The following PTK2B variants were observed in gnomAD, a reference collection of about 807,000 sequenced individuals.
PTK2B encodes protein tyrosine kinase 2 beta, also known as protein-tyrosine kinase 2-beta.
In PTK2B, 71 loss-of-function variants were observed where a neutral mutation model predicts 142.9. That is an observed-to-expected ratio of 0.50 (90% CI 0.41 to 0.61). PTK2B has a LOEUF of 0.61. Among genes scored for constraint, PTK2B ranks in the 20% least tolerant of loss-of-function variants. The pLI is 0.00. For synonymous variants in PTK2B, 519 were observed against 503.4 expected, an observed-to-expected ratio of 1.03 and a Z score of -0.42; for missense variants, 1,105 against 1,320.4, an observed-to-expected ratio of 0.84 and a Z score of 2.53.
chr8:27,433,100 T>G (rs1810542203), intron 10 of PTK2B, among the ~76,000 whole-genome samples: 1 of 152,230 alleles, frequency 6.6e-6, no homozygotes, highest in Non-Finnish European at 1.5e-5. Flanking sequence ...GTGCTGGGAT[T>G]ATAGGCATGA....
intron 4 of PTK2B, among the ~76,000 whole-genome samples, chr8:27,421,029 A>G (rs552341201): frequency 6.6e-6 from 1 of 152,342 alleles, no homozygotes; most frequent in East Asian, 1.9e-4. Context: ...GAGCAGGTCC[A>G]AGATGAATCC....
intron 1 of PTK2B, among the ~76,000 whole-genome samples, chr8:27,373,152 A>G (rs960419325): frequency 6.6e-6 from 1 of 152,000 alleles, no homozygotes; most frequent in African/African-American, 2.4e-5. Context: ...TGGAGAAAAG[A>G]CACCCAGGCC....
intron 2 of PTK2B, among the ~76,000 whole-genome samples, chr8:27,402,937 C>T (rs1808467645): frequency 6.6e-6 from 1 of 152,218 alleles, no homozygotes; most frequent in African/African-American, 2.4e-5. Flanking sequence ...TTATGTCACT[C>T]CTAGGTTGTG....
intron 2 of PTK2B, among the ~76,000 whole-genome samples, chr8:27,416,342 A>C (rs886230111): frequency 6.6e-6 from 1 of 152,256 alleles, no homozygotes; most frequent in African/African-American, 2.4e-5. Context: ...AAAGATCAAT[A>C]GAAAAGAAAT....
At chr8:27,347,218 A>AAC (rs1804769016) in intron 1 of PTK2B, among the ~76,000 whole-genome samples, 1 of 151,366 alleles carries the variant, frequency 6.6e-6, no homozygotes, top group African/African-American at 2.4e-5. Context: ...CTCTACTAAA[A>AAC]AAAAAAAAAA....
At chr8:27,427,042 C>G (rs1287959145) in intron 5 of PTK2B, among the ~76,000 whole-genome samples, 1 of 152,152 alleles carries the variant, frequency 6.6e-6, no homozygotes, top group Non-Finnish European at 1.5e-5. Flanking sequence ...GACCACTCTC[C>G]GTCGTGGCTG....
intron 1 of PTK2B, among the ~76,000 whole-genome samples, chr8:27,378,397 C>T (rs1563233350): frequency 1.3e-5 from 2 of 152,160 alleles, no homozygotes; most frequent in Admixed American, 6.5e-5. Context: ...AGGAGCTGAA[C>T]GATCACTTTA....
At chr8:27,327,717 G>C in intron 1 of PTK2B, among the ~76,000 whole-genome samples, 1 of 152,156 alleles carries the variant, frequency 6.6e-6, no homozygotes. Flanking sequence ...GAAGGAGTAT[G>C]GTACCTCAGA....
At chr8:27,431,523 C>G (rs147174527) in intron 9 of PTK2B, 51 bp downstream of exon 9, 3 of 1,607,700 alleles carry the variant, frequency 1.9e-6, no homozygotes, top group Non-Finnish European at 2.6e-6. Context: ...GAGGTCGTCC[C>G]CTCTCTGCTG....
chr8:27,384,944 C>T (rs1807251965), intron 1 of PTK2B, among the ~76,000 whole-genome samples: 1 of 152,160 alleles, frequency 6.6e-6, no homozygotes, highest in Non-Finnish European at 1.5e-5. Flanking sequence ...TGGAATGAGG[C>T]CTCCTTCTTA....
In PTK2B at chr8:27,442,924, G is replaced by T; in HGVS notation, c.2089G>T (p.Ala697Ser). The T allele has an allele frequency of 1.9e-6, 3 of 1,614,196 alleles. No homozygotes were observed. Among genetic ancestry groups the T allele is most frequent in the Non-Finnish European group, 2.5e-6 (3 of 1,180,014 alleles). Residue 697 changes from alanine (A) to serine (S), a missense_variant, in exon 22 of 31, where the codon GCT (alanine) becomes TCT (serine). Transcript: ENST00000346049. Reference sequence around the variant, plus strand: ...CATTGCCATGGAGCAAGAGAGGAATGCTCGCTACCGAACCCCCAAAATCTT... The same window carrying T: ...CATTGCCATGGAGCAAGAGAGGAATTCTCGCTACCGAACCCCCAAAATCTT... ...KDIAMEQERN[A>S]RYRTPKILEP...
At chr8:27,440,113 T>A in intron 20 of PTK2B, 124 bp from the exon 21 acceptor site, 2 of 950,672 alleles carry the variant, frequency 2.1e-6, no homozygotes, top group Non-Finnish European at 3.2e-6. Context: ...CCCAGGGTGC[T>A]GGAGGAGGAG....
At chr8:27,456,843 G>A (rs1052144246) in intron 30 of PTK2B, among the ~76,000 whole-genome samples, 2 of 152,194 alleles carry the variant, frequency 1.3e-5, no homozygotes, top group African/African-American at 4.8e-5. Context: ...AGAAGATCAA[G>A]CCAGCCACAA....
intron 1 of PTK2B, among the ~76,000 whole-genome samples, chr8:27,365,127 T>C (rs1805943204): frequency 6.6e-6 from 1 of 152,224 alleles, no homozygotes; most frequent in African/African-American, 2.4e-5. Context: ...GCCTTTCCCA[T>C]GAGATGAAAT....
intron 1 of PTK2B, among the ~76,000 whole-genome samples, chr8:27,336,459 C>A (rs750105151): frequency 3.3e-5 from 5 of 152,142 alleles, no homozygotes; most frequent in Non-Finnish European, 5.9e-5. Flanking sequence ...TGGTACCTGA[C>A]ACACAGCTGG....
At chr8:27,337,411 C>T (rs972477301) in intron 1 of PTK2B, among the ~76,000 whole-genome samples, 1 of 152,178 alleles carries the variant, frequency 6.6e-6, no homozygotes, top group African/African-American at 2.4e-5. Context: ...ACTGAGATTA[C>T]AGGCGTGAGC....
chr8:27,437,937 A>T, intron 18 of PTK2B, 57 bp downstream of exon 18: 1 of 1,433,452 alleles, frequency 7.0e-7, no homozygotes, highest in Non-Finnish European at 9.7e-7. Flanking sequence ...CAGATCCTCA[A>T]GGCCTCTGGG....
At chr8:27,339,763 A>C (rs1804285238) in intron 1 of PTK2B, among the ~76,000 whole-genome samples, 1 of 152,234 alleles carries the variant, frequency 6.6e-6, no homozygotes, top group African/African-American at 2.4e-5. Flanking sequence ...CAATGTGGAC[A>C]TACATGGCCT....
At chr8:27,427,006 A>T (rs1393055112) in intron 5 of PTK2B, among the ~76,000 whole-genome samples, 2 of 152,156 alleles carry the variant, frequency 1.3e-5, no homozygotes. Flanking sequence ...TCAACAACAG[A>T]TCATAAGCCT....
Sources: allele counts gnomAD v4.1 joint callset (sites outside exome capture counted in the v4.1 genomes callset), GRCh38; gene constraint gnomAD v4.1.1; transcripts MANE v1.5; gene names NCBI Gene and HGNC (gene_info 2026-07-23, HGNC 2026-07-21).